Variants in CSMD2 observed in about 807,000 individuals in gnomAD.
The protein encoded by CSMD2 is CUB and sushi domain-containing protein 2.
A neutral mutation model predicts 398.5 loss-of-function variants in CSMD2; 130 were observed. The ratio of observed to expected loss-of-function variants is 0.33; its 90% CI spans 0.28 to 0.38. CSMD2 has a LOEUF of 0.38. CSMD2 is among the 10% of genes least tolerant of loss of function. The probability of loss-of-function intolerance (pLI) is 1.00; values close to 1 mark genes in which losing one functional copy is unlikely to be tolerated. For missense variants in CSMD2, 3,829 were observed against 4,764.9 expected, an observed-to-expected ratio of 0.80 and a Z score of 5.78; for synonymous variants, 1,828 against 1,908.5, an observed-to-expected ratio of 0.96 and a Z score of 1.10.
intron 12 of CSMD2, among the ~76,000 whole-genome samples, chr1:33,780,832 A>G (rs1005176465): frequency 6.6e-6 from 1 of 152,248 alleles, no homozygotes; most frequent in Non-Finnish European, 1.5e-5. Flanking sequence ...CATCTTAGGA[A>G]CATGTTAGTG....
intron 22 of CSMD2, among the ~76,000 whole-genome samples, chr1:33,707,695 GCACACACACACACACACACA>G (rs200504764): frequency 1.1e-3 from 98 of 92,092 alleles, no homozygotes; most frequent in African/African-American, 3.3e-3. Flanking sequence ...GCGCGCGCGC[GCACACACACACACACACACA>G]CACACACACA....
chr1:33,967,285 G>T (rs1449350553), intron 3 of CSMD2, among the ~76,000 whole-genome samples: 1 of 151,268 alleles, frequency 6.6e-6, no homozygotes, highest in Non-Finnish European at 1.5e-5. Flanking sequence ...GGGGTGGGGG[G>T]TAGTCTATAA....
intron 1 of CSMD2, among the ~76,000 whole-genome samples, chr1:34,091,756 T>C (rs1020275948): frequency 1.1e-4 from 16 of 152,284 alleles, no homozygotes; most frequent in African/African-American, 3.9e-4. Flanking sequence ...AAAAAGAATA[T>C]TTCCTTACTA....
At chr1:33,876,375 C>T (rs144787392) in intron 5 of CSMD2, among the ~76,000 whole-genome samples, 4 of 152,298 alleles carry the variant, frequency 2.6e-5, no homozygotes, top group African/African-American at 4.8e-5. Context: ...GGCAATTTGT[C>T]GAACATGAGA....
rs112219121 is a variant in CSMD2 at position 33,864,895 on chromosome 1, A to G, written c.921-17899T>C. The G allele has an allele frequency of 1.1e-3, 623 of 566,476 alleles. 7 individuals are homozygous for G. Among genetic ancestry groups the G allele is most frequent in the African/African-American group, 0.011 (500 of 45,994 alleles). The allele number at this position is 566,476 out of a possible 1,614,324, so 35.1% of individuals were successfully genotyped here. A position where few individuals can be genotyped will look rare whatever the true frequency, so the allele number is the denominator to read the frequency against. On this transcript the variant is annotated intron_variant, in intron 5 of 70. Transcript: ENST00000373381. ...GGAGAGACTGATCCTGAGGAGGGGAACGGAGAGGACGGGAAGGGAAAGAAG... is the reference window on the plus strand; with the variant it reads ...GGAGAGACTGATCCTGAGGAGGGGAGCGGAGAGGACGGGAAGGGAAAGAAG...
intron 60 of CSMD2, among the ~76,000 whole-genome samples, chr1:33,538,335 T>G (rs1655998518): frequency 6.6e-6 from 1 of 152,168 alleles, no homozygotes; most frequent in South Asian, 2.1e-4. Context: ...CTGCGGTGGG[T>G]AGTGCATGGG....
At chr1:33,949,608 C>T (rs998090190) in intron 3 of CSMD2, among the ~76,000 whole-genome samples, 3 of 152,212 alleles carry the variant, frequency 2.0e-5, no homozygotes, top group Non-Finnish European at 4.4e-5. Context: ...CCCTGTGCTG[C>T]CCTGGCTCAC....
chr1:34,150,876 T>C (rs1201176037), intron 1 of CSMD2, among the ~76,000 whole-genome samples: 1 of 152,008 alleles, frequency 6.6e-6, no homozygotes, highest in Non-Finnish European at 1.5e-5. Context: ...GACATGATCA[T>C]ACCACTGCAC....
At chr1:34,130,532 G>C (rs1330925608) in intron 1 of CSMD2, among the ~76,000 whole-genome samples, 1 of 152,056 alleles carries the variant, frequency 6.6e-6, no homozygotes, top group Non-Finnish European at 1.5e-5. Flanking sequence ...AATCGGGATG[G>C]TTTCAACTGT....
intron 1 of CSMD2, among the ~76,000 whole-genome samples, chr1:34,099,218 T>G (rs1378186735): frequency 6.6e-6 from 1 of 152,218 alleles, no homozygotes; most frequent in Non-Finnish European, 1.5e-5. Flanking sequence ...AAAACCTGCC[T>G]GGTAATGTCA....
chr1:33,806,943 A>G (rs1656296693), intron 10 of CSMD2, among the ~76,000 whole-genome samples: 1 of 152,200 alleles, frequency 6.6e-6, no homozygotes, highest in Admixed American at 6.5e-5. Context: ...AAGCATTTGA[A>G]AAGATAATGG....
chr1:34,003,191 T>C (rs535648711), intron 3 of CSMD2, among the ~76,000 whole-genome samples: 3 of 152,248 alleles, frequency 2.0e-5, no homozygotes, highest in East Asian at 3.9e-4. Context: ...CCCAGGTACT[T>C]AGGAGCTGGA....
intron 3 of CSMD2, among the ~76,000 whole-genome samples, chr1:34,016,357 A>G (rs921391446): frequency 6.8e-6 from 1 of 147,658 alleles, no homozygotes; most frequent in African/African-American, 2.5e-5. Flanking sequence ...CCCTGTGTCC[A>G]TGTATTGTCA....
intron 12 of CSMD2, among the ~76,000 whole-genome samples, chr1:33,775,135 C>A (rs990728926): frequency 6.6e-6 from 1 of 152,176 alleles, no homozygotes; most frequent in Non-Finnish European, 1.5e-5. Context: ...TCTCAGTTAT[C>A]ATGACAAATA....
intron 3 of CSMD2, among the ~76,000 whole-genome samples, chr1:33,949,372 C>T (rs1327198727): frequency 1.3e-5 from 2 of 152,208 alleles, no homozygotes; most frequent in Non-Finnish European, 1.5e-5. Flanking sequence ...GGAGCCAGAA[C>T]ATGGGATGCA....
intron 7 of CSMD2, among the ~76,000 whole-genome samples, chr1:33,822,823 CT>C (rs934833021): frequency 1.3e-5 from 2 of 152,134 alleles, no homozygotes; most frequent in Non-Finnish European, 2.9e-5. Context: ...CCAGGTCCCC[CT>C]AGAGCTTCAC....
intron 57 of CSMD2, among the ~76,000 whole-genome samples, chr1:33,545,434 C>T (rs140840816): frequency 2.6e-4 from 40 of 152,312 alleles, no homozygotes; most frequent in Middle Eastern, 3.4e-3. Flanking sequence ...ATTTGTTTCA[C>T]GTAGTCTCTT....
chr1:33,894,935 C>G (rs1032588604), intron 5 of CSMD2, among the ~76,000 whole-genome samples: 1 of 152,144 alleles, frequency 6.6e-6, no homozygotes, highest in Non-Finnish European at 1.5e-5. Flanking sequence ...CCCCAAGATG[C>G]CCCAGGTACT....
intron 19 of CSMD2, among the ~76,000 whole-genome samples, chr1:33,719,880 A>T (rs1366828041): frequency 6.6e-6 from 1 of 152,332 alleles, no homozygotes; most frequent in African/African-American, 2.4e-5. Context: ...AACAGAAGGC[A>T]TTCCCTTTGC....
Sources: gnomAD v4.1 joint callset for allele counts (sites outside exome capture counted in the v4.1 genomes callset) on GRCh38, gnomAD v4.1.1 for gene constraint, MANE v1.5 for transcripts, NCBI Gene and HGNC (gene_info 2026-07-23, HGNC 2026-07-21) for gene names.